The following RPTOR variants were observed in gnomAD, a reference collection of about 807,000 sequenced individuals.
RPTOR encodes the protein regulatory-associated protein of mTOR.
Under a neutral mutation model 169.9 loss-of-function variants are expected in RPTOR, and 21 were observed. The ratio of observed to expected loss-of-function variants is 0.12; its 90% CI spans 0.09 to 0.18. RPTOR has a LOEUF of 0.18. Ranked by LOEUF, RPTOR falls within the 10% of genes least tolerant of loss-of-function variation. RPTOR has a pLI of 1.00. For missense variants in RPTOR, 1,133 were observed against 1,855.9 expected (o/e 0.61, Z 7.16); for synonymous variants, 732 against 753.2 (o/e 0.97, Z 0.46).
intron 11 of RPTOR, among the ~76,000 whole-genome samples, chr17:80,852,220 A>T (rs745393157): frequency 3.9e-5 from 6 of 152,202 alleles, no homozygotes; most frequent in Non-Finnish European, 8.8e-5. Context: ...AATAAGCCCA[A>T]GTCAAGTACT....
chr17:80,841,549 C>G (rs2067658534), intron 10 of RPTOR, among the ~76,000 whole-genome samples: 1 of 138,344 alleles, frequency 7.2e-6, no homozygotes, highest in Non-Finnish European at 1.6e-5. Context: ...CACGGCAGCT[C>G]ACTCTCACCG....
intron 9 of RPTOR, among the ~76,000 whole-genome samples, chr17:80,837,163 C>T (rs1051564212): frequency 7.9e-5 from 12 of 152,146 alleles, no homozygotes; most frequent in East Asian, 3.9e-4. Context: ...ACAGTGTGGT[C>T]GGTTACTGTG....
chr17:80,888,713 C>G (rs2068279097), intron 17 of RPTOR, among the ~76,000 whole-genome samples: 1 of 152,230 alleles, frequency 6.6e-6, no homozygotes, highest in African/African-American at 2.4e-5. Flanking sequence ...AGGGCTGCAC[C>G]CACCCAGAAC....
intron 20 of RPTOR, among the ~76,000 whole-genome samples, chr17:80,894,727 C>T (rs1028214912): frequency 6.6e-6 from 1 of 152,132 alleles, no homozygotes; most frequent in Non-Finnish European, 1.5e-5. Context: ...GCATTTTAGC[C>T]ATGTAAAAAT....
At chr17:80,561,854 G>A (rs2084500920) in intron 1 of RPTOR, among the ~76,000 whole-genome samples, 1 of 151,990 alleles carries the variant, frequency 6.6e-6, no homozygotes, top group Non-Finnish European at 1.5e-5. Context: ...GTGAGAGACT[G>A]TATACATGTA....
intron 11 of RPTOR, among the ~76,000 whole-genome samples, chr17:80,849,809 C>T (rs1567948156): frequency 6.6e-6 from 1 of 152,216 alleles, no homozygotes; most frequent in Non-Finnish European, 1.5e-5. Context: ...TGAACGACCG[C>T]ACCCAGCCCT....
chr17:80,863,126 C>T (rs2067939191), intron 13 of RPTOR, among the ~76,000 whole-genome samples: 1 of 152,190 alleles, frequency 6.6e-6, no homozygotes, highest in Non-Finnish European at 1.5e-5. Flanking sequence ...GGAAGAACAC[C>T]ATGTGCCACC....
At chr17:80,603,095 G>T (rs1195773563) in intron 1 of RPTOR, among the ~76,000 whole-genome samples, 1 of 152,142 alleles carries the variant, frequency 6.6e-6, no homozygotes, top group Non-Finnish European at 1.5e-5. Context: ...TGGATTTGGC[G>T]CCTGTCTCCC....
chr17:80,961,619 C>T (rs2069342751), intron 31 of RPTOR, 139 bp downstream of exon 31: 1 of 992,506 alleles, frequency 1.0e-6, no homozygotes, highest in Non-Finnish European at 1.5e-6. Context: ...CTGGAACTGG[C>T]CAGAAAGATC....
chr17:80,743,818 GAGCCCTGGCTACTAGCAC>G (rs1220240577), intron 5 of RPTOR, among the ~76,000 whole-genome samples: 372 of 29,036 alleles, frequency 0.013, 36 homozygotes, highest in African/African-American at 0.034. Context: ...GCTACTAGCA[GAGCCCTGGCTACTAGCAC>G]AGCCCTGGTT....
chr17:80,954,047 A>G (rs1227534105), intron 28 of RPTOR, among the ~76,000 whole-genome samples: 1 of 152,186 alleles, frequency 6.6e-6, no homozygotes, highest in African/African-American at 2.4e-5. Flanking sequence ...CTGCAGCCTC[A>G]ACCACCTGGG....
intron 1 of RPTOR, among the ~76,000 whole-genome samples, chr17:80,553,315 A>G (rs1811912907): frequency 6.6e-6 from 1 of 152,204 alleles, no homozygotes; most frequent in African/African-American, 2.4e-5. Flanking sequence ...CACGTCCCAA[A>G]GGAATCACCG....
At chr17:80,793,776 A>C (rs1258732330) in intron 7 of RPTOR, among the ~76,000 whole-genome samples, 1 of 152,274 alleles carries the variant, frequency 6.6e-6, no homozygotes, top group Non-Finnish European at 1.5e-5. Flanking sequence ...GGTCTGTTAA[A>C]AATCACCTAG....
chr17:80,814,269 T>C (rs2067302270), intron 7 of RPTOR, among the ~76,000 whole-genome samples: 1 of 152,246 alleles, frequency 6.6e-6, no homozygotes, highest in Non-Finnish European at 1.5e-5. Context: ...TTGTATGTTT[T>C]CCGTGTAGAT....
intron 5 of RPTOR, among the ~76,000 whole-genome samples, chr17:80,739,972 A>G (rs994101489): frequency 6.6e-6 from 1 of 152,190 alleles, no homozygotes; most frequent in East Asian, 1.9e-4. Context: ...CAGAAAAACA[A>G]TGGAGAAATA....
chr17:80,593,108 G>A (rs1203106523), intron 1 of RPTOR: 5 of 152,272 alleles, frequency 3.3e-5, no homozygotes, highest in African/African-American at 1.2e-4. Context: ...GGGCCTGTTG[G>A]TTTTCCCCGT....
rs545816791 is a variant in RPTOR at position 80,659,747 on chromosome 17, C to T, written c.348+15937C>T. On this transcript the variant is annotated intron_variant, in intron 3 of 33. Coordinates refer to ENST00000306801, the MANE Select transcript of RPTOR (RefSeq NM_020761.3). The surrounding 1 kb of genome is among the most constrained non-coding windows in gnomAD (Gnocchi z 4.3). Reference sequence around the variant, plus strand: ...GTCTCAACCTCTTGACCTCGTGATCCGCCCCTTGGTCTCCCAAAGTGCTGA... The same window carrying T: ...GTCTCAACCTCTTGACCTCGTGATCTGCCCCTTGGTCTCCCAAAGTGCTGA... Among the ~76,000 whole-genome samples, 286 of 152,180 alleles carry T rather than the reference C, an allele frequency of 1.9e-3. 1 individual carries two copies. Among genetic ancestry groups the T allele is most frequent in the African/African-American group, 6.6e-3 (276 of 41,524 alleles).
chr17:80,611,521 C>T (rs943923618), intron 1 of RPTOR, among the ~76,000 whole-genome samples: 2 of 152,172 alleles, frequency 1.3e-5, no homozygotes, highest in Non-Finnish European at 2.9e-5. Context: ...CCCAACTCGG[C>T]TTCCCAAAGT....
At chr17:80,548,371 G>GTTTTTTTTGT (rs2084303509) in intron 1 of RPTOR, among the ~76,000 whole-genome samples, 8 of 63,432 alleles carry the variant, frequency 1.3e-4, no homozygotes, top group Admixed American at 7.8e-4. Flanking sequence ...GCCTGGGGTG[G>GTTTTTTTTGT]TTTTTTTTTT....
Sources: gnomAD v4.1 joint callset for allele counts (sites outside exome capture counted in the v4.1 genomes callset) on GRCh38, gnomAD v4.1.1 for gene constraint, Gnocchi (gnomAD v3.1) non-coding constraint, MANE v1.5 for transcripts, NCBI Gene and HGNC (gene_info 2026-07-23, HGNC 2026-07-21) for gene names.